Variants in KCTD15 observed in about 807,000 individuals in gnomAD.
KCTD15 encodes the protein BTB/POZ domain-containing protein KCTD15.
In KCTD15, 11 loss-of-function variants were observed where a neutral mutation model predicts 27.2. That is an observed-to-expected ratio of 0.41 (90% confidence interval 0.25 to 0.67). The LOEUF (loss-of-function observed/expected upper bound fraction) is 0.67. KCTD15 is among the 30% of genes least tolerant of loss of function. The probability of loss-of-function intolerance (pLI) is 0.35; values close to 1 mark genes in which losing one functional copy is unlikely to be tolerated. For missense variants in KCTD15, 350 were observed against 409.3 expected (o/e 0.86, Z 1.25); for synonymous variants, 163 against 176.0 (o/e 0.93, Z 0.58).
intron 4 of KCTD15, among the ~76,000 whole-genome samples, chr19:33,804,565 C>T (rs898527615): frequency 6.6e-6 from 1 of 152,196 alleles, no homozygotes; most frequent in Non-Finnish European, 1.5e-5. Flanking sequence ...TACTTCCCAC[C>T]GGTGCCACAC....
In KCTD15 at chr19:33,797,595, C is replaced by T. The variant is rs566302929; in HGVS notation, c.-127+608C>T. Among the ~76,000 whole-genome samples the T allele has an allele frequency of 1.4e-3, 214 of 152,192 alleles. 1 individual carries two copies. Among genetic ancestry groups the T allele is most frequent in the African/African-American group, 4.9e-3 (204 of 41,546 alleles). On this transcript the variant is annotated intron_variant, in intron 1 of 6. Coordinates refer to ENST00000683859, the MANE Select transcript of KCTD15 (RefSeq NM_001129994.2). ...ATGGGAGGGATCGCCGCCTGCAGATCCGGTTCCCCGCTGCCCGCCCGCACC... is the reference window on the plus strand; with the variant it reads ...ATGGGAGGGATCGCCGCCTGCAGATTCGGTTCCCCGCTGCCCGCCCGCACC...
chr19:33,806,896 C>T lies in KCTD15; in HGVS notation c.276C>T (p.Ile92=), dbSNP rs375099630. 41 of 1,614,028 alleles carry T rather than the reference C, an allele frequency of 2.5e-5. No homozygotes were observed. Among genetic ancestry groups the T allele is most frequent in the Middle Eastern group, 1.6e-4 (1 of 6,082 alleles). Residue 92 remains isoleucine, a synonymous_variant, in exon 5 of 7, where the codon ATC becomes ATT. Transcript: ENST00000683859. ...ISRLFNGTEP[I]VLDSLKQHYF... is the part of the protein sequence containing the mutation. ...GCCTCTTCAATGGCACTGAACCCAT[C>T]GTCCTGGACAGTTTGAAGCAACATT... is the stretch of plus-strand genomic sequence containing the variant.
intron 4 of KCTD15, among the ~76,000 whole-genome samples, chr19:33,802,811 C>A (rs983502470): frequency 1.8e-4 from 28 of 152,366 alleles, no homozygotes; most frequent in African/African-American, 5.5e-4. Flanking sequence ...ATTCATAAAA[C>A]CTTTGCCCAC....
In KCTD15 at chr19:33,811,240, TC is replaced by T. The variant is rs1186356208; in HGVS notation, c.388-3del. 1.4e-5 allele frequency: 20 copies of T among 1,409,410 alleles called. No individual in the cohort carries two copies. Among genetic ancestry groups the T allele is most frequent in the Non-Finnish European group, 1.7e-5 (18 of 1,069,892 alleles). 87.3% of individuals were successfully genotyped at this position (1,409,410 alleles called of 1,614,324 possible). On this transcript the variant is annotated splice_region_variant and splice_polypyrimidine_tract_variant and intron_variant, in intron 5 of 6. Transcript: ENST00000683859. Reference sequence around the variant, plus strand: ...CCCACATCAACACCCTGTGCGCCTGTCCCCAGGACTTCAGTCTGCTGTACGA... The same window carrying T: ...CCCACATCAACACCCTGTGCGCCTGTCCCAGGACTTCAGTCTGCTGTACGA...
intron 4 of KCTD15, among the ~76,000 whole-genome samples, chr19:33,804,842 CTGGG>C (rs1975665035): frequency 6.6e-6 from 1 of 152,194 alleles, no homozygotes; most frequent in African/African-American, 2.4e-5. Context: ...TGAGTTGTAT[CTGGG>C]TGGCTGCAGC....
At chr19:33,801,138 C>T (rs902110372) in intron 3 of KCTD15, 29 bp from the exon 4 acceptor site, 2 of 1,561,924 alleles carry the variant, frequency 1.3e-6, no homozygotes, top group African/African-American at 1.4e-5. Flanking sequence ...CTTTGAAACT[C>T]TTGTGTTCCG....
chr19:33,810,875 TCTCTC>T (rs1415858941), intron 5 of KCTD15, among the ~76,000 whole-genome samples: 1 of 151,606 alleles, frequency 6.6e-6, no homozygotes, highest in Non-Finnish European at 1.5e-5. Context: ...CATGATCTCT[TCTCTC>T]GGTGGGATTC....
At chr19:33,797,267 TGTGTGTGTGTGTGTGTGCGCGCGCGC>T (rs1333201539) in intron 1 of KCTD15, 1 of 300,962 alleles carries the variant, frequency 3.3e-6, no homozygotes, top group Non-Finnish European at 6.5e-6. Flanking sequence ...TGTGTGTGTG[TGTGTGTGTGTGTGTGTGCGCGCGCGC>T]GCGCGCGCGC....
chr19:33,811,007 G>C (rs973082192), intron 5 of KCTD15, among the ~76,000 whole-genome samples: 6 of 152,102 alleles, frequency 3.9e-5, no homozygotes, highest in Non-Finnish European at 7.4e-5. Context: ...AAGGGCTCAG[G>C]GGGGCTGGCA....
Position 33,799,602 on chromosome 19 carries a change from G to C in KCTD15, c.-27-826G>C, listed in dbSNP as rs754644088. 2.6e-5 allele frequency: 4 copies of C among 152,252 alleles called. No individual in the cohort carries two copies. In the South Asian group the frequency reaches 6.2e-4, roughly 24 times the overall value. The allele number at this position is 152,252 out of a possible 1,614,324, so 9.4% of individuals were successfully genotyped here. A position where few individuals can be genotyped will look rare whatever the true frequency, so the allele number is the denominator to read the frequency against. On this transcript the variant is annotated intron_variant, in intron 2 of 6. Coordinates refer to ENST00000683859, the MANE Select transcript of KCTD15 (RefSeq NM_001129994.2). ...GGACAATCTTATTTCAGGTGACTAC[G>C]GCACAGAGGAGAGTTACTGAGTGCC...
chr19:33,804,542 T>C (rs1202706743), intron 4 of KCTD15, among the ~76,000 whole-genome samples: 1 of 152,184 alleles, frequency 6.6e-6, no homozygotes, highest in Non-Finnish European at 1.5e-5. Context: ...TGACTCACCT[T>C]GGATGTAGCT....
At chr19:33,797,902 G>A (rs989269084) in intron 1 of KCTD15, among the ~76,000 whole-genome samples, 4 of 152,266 alleles carry the variant, frequency 2.6e-5, no homozygotes, top group African/African-American at 9.6e-5. Context: ...CCCATCTGTG[G>A]TCTCCAAGTG....
At position 33,801,370 on chromosome 19, in the gene KCTD15, G is replaced by A. The variant is rs527918955; in HGVS notation, c.242+28G>A. ...AAGAGTAAGCCCCTTGAAACATCAG[G>A]CATGTGTGGGTCAGGGCAGCATCTG... On this transcript the variant is annotated intron_variant, in intron 4 of 6. Transcript: ENST00000683859. 1.1e-4 allele frequency: 179 copies of A among 1,578,330 alleles called. 2 individuals are homozygous for A. The South Asian group carries it at 1.9e-3, about 17-fold the overall frequency.
At chr19:33,810,710 C>G (rs1286679215) in intron 5 of KCTD15, among the ~76,000 whole-genome samples, 2 of 151,370 alleles carry the variant, frequency 1.3e-5, no homozygotes, top group Admixed American at 6.6e-5. Context: ...AAAAAAAAAC[C>G]AAGAGGCTCA....
chr19:33,809,697 ATAAT>A (rs1975827756), intron 5 of KCTD15, among the ~76,000 whole-genome samples: 1 of 152,118 alleles, frequency 6.6e-6, no homozygotes. Flanking sequence ...GTGTCTACAA[ATAAT>A]TATTATTGTT....
intron 1 of KCTD15, among the ~76,000 whole-genome samples, chr19:33,797,692 G>T (rs1005623373): frequency 7.2e-6 from 1 of 138,444 alleles, no homozygotes; most frequent in African/African-American, 2.4e-5. Flanking sequence ...CCTCTGCAGC[G>T]CCTTTCTGTC....
rs1976049382 is a variant in KCTD15, at chr19:33,814,954, C to T, written c.*2006C>T. 2.6e-5 allele frequency: 4 copies of T among 152,210 alleles called. No homozygotes were observed. The highest frequency in any genetic ancestry group is 2.6e-4 in the Admixed American group (4 of 15,280). 9.4% of individuals were successfully genotyped at this position (152,210 alleles called of 1,614,324 possible). A position where few individuals can be genotyped will look rare whatever the true frequency, so the allele number is the denominator to read the frequency against. On this transcript the variant is annotated 3_prime_UTR_variant, in exon 7 of 7. Coordinates refer to ENST00000683859, the MANE Select transcript of KCTD15 (RefSeq NM_001129994.2). The stretch of plus-strand genomic sequence containing the variant: ...TGCTGGACAAACTTGATAGGTTTCT[C>T]TGCTTAGCAACGAGCCTATAGTTAG...
At chr19:33,810,698 C>T (rs942345643) in intron 5 of KCTD15, among the ~76,000 whole-genome samples, 8 of 146,256 alleles carry the variant, frequency 5.5e-5, no homozygotes, top group Non-Finnish European at 9.1e-5. Context: ...CAAAAAAAAA[C>T]GAAAAAAAAA....
upstream of KCTD15, among the ~76,000 whole-genome samples, chr19:33,795,237 A>AAAAT (rs969140561): frequency 4.6e-5 from 7 of 152,354 alleles, no homozygotes; most frequent in South Asian, 2.1e-4. Context: ...TTCGAACTCG[A>AAAAT]AAATAAATAA....
Sources: allele counts gnomAD v4.1 joint callset (sites outside exome capture counted in the v4.1 genomes callset), GRCh38; gene constraint gnomAD v4.1.1; transcripts MANE v1.5; gene names NCBI Gene and HGNC (gene_info 2026-07-23, HGNC 2026-07-21).